The following KDR variants were observed in gnomAD, a reference collection of about 807,000 sequenced individuals.
KDR encodes kinase insert domain receptor, also known as vascular endothelial growth factor receptor 2.
In KDR, 43 loss-of-function variants were observed where a neutral mutation model predicts 160.9. The ratio of observed to expected loss-of-function variants is 0.27; its 90% CI spans 0.21 to 0.34. The LOEUF (loss-of-function observed/expected upper bound fraction) is 0.34, where lower values mean the gene tolerates loss of function less well. Ranked by LOEUF, KDR falls within the 10% of genes least tolerant of loss-of-function variation. The probability of loss-of-function intolerance (pLI) is 1.00; values close to 1 mark genes in which losing one functional copy is unlikely to be tolerated. For missense variants in KDR, 1,469 were observed against 1,666.4 expected, an observed-to-expected ratio of 0.88 and a Z score of 2.06; for synonymous variants, 617 against 600.1, an observed-to-expected ratio of 1.03 and a Z score of -0.41.
intron 16 of KDR, 130 bp downstream of exon 16, chr4:55,098,564 CGTT>C: frequency 1.3e-6 from 1 of 772,884 alleles, no homozygotes; most frequent in Non-Finnish European, 2.3e-6. Context: ...TGGGCAGGAA[CGTT>C]ATTGTATTGA....
At chr4:55,111,709 G>C (rs564991481) in intron 7 of KDR, among the ~76,000 whole-genome samples, 3 of 152,224 alleles carry the variant, frequency 2.0e-5, no homozygotes, top group Non-Finnish European at 4.4e-5. Flanking sequence ...ATCTTGGCAA[G>C]TGAAATAATT....
chr4:55,112,523 ATT>A (rs72203928), intron 7 of KDR, among the ~76,000 whole-genome samples: 2,232 of 116,996 alleles, frequency 0.019, 24 homozygotes, highest in African/African-American at 0.041. Flanking sequence ...TTATACCTTG[ATT>A]TTTTTTTTTT....
At chr4:55,116,085 C>T (rs913616236) in intron 3 of KDR, among the ~76,000 whole-genome samples, 1 of 152,112 alleles carries the variant, frequency 6.6e-6, no homozygotes, top group Non-Finnish European at 1.5e-5. Context: ...CAATGACAAA[C>T]ATTTGAAAAG....
chr4:55,116,734 A>G (rs1203480859), intron 3 of KDR, among the ~76,000 whole-genome samples: 5 of 152,228 alleles, frequency 3.3e-5, no homozygotes, highest in African/African-American at 1.2e-4. Flanking sequence ...CAGCCAATCT[A>G]GCCCACCACA....
intron 25 of KDR, 35 bp from the exon 26 acceptor site, chr4:55,089,008 T>C (rs775519572): frequency 2.8e-6 from 4 of 1,432,910 alleles, no homozygotes; most frequent in Non-Finnish European, 3.9e-6. Context: ...ATTAAATGCC[T>C]CTTTCTTCCT....
intron 18 of KDR, among the ~76,000 whole-genome samples, chr4:55,097,268 C>G (rs1262743969): frequency 6.6e-6 from 1 of 152,110 alleles, no homozygotes; most frequent in Non-Finnish European, 1.5e-5. Context: ...GGAGAACATG[C>G]TATTTTTGTA....
intron 2 of KDR, among the ~76,000 whole-genome samples, chr4:55,119,400 C>T (rs1249760470): frequency 6.6e-6 from 1 of 152,108 alleles, no homozygotes; most frequent in Non-Finnish European, 1.5e-5. Context: ...GAGCAGTGAA[C>T]AAATCAGACA....
At position 55,118,641 on chromosome 4, in the gene KDR, T is replaced by A; in HGVS notation, c.321A>T (p.Glu107Asp). ...DTGAYKCFYR[E>D]TDLASVIYVY... ...CATAAATGACCGAGGCCAAGTCAGT[T>A]TCCCGGTAGAAGCACTTGTAGGCTC... The change falls in exon 3 of 30, where the codon GAA becomes GAT. Residue 107 changes from glutamate to aspartate, a missense_variant. Coordinates refer to ENST00000263923, the MANE Select transcript of KDR (RefSeq NM_002253.4). 2.5e-6 allele frequency: 4 copies of A among 1,614,196 alleles called. No homozygotes were observed. Among genetic ancestry groups the A allele is most frequent in the Middle Eastern group, 3.3e-4 (2 of 6,062 alleles).
chr4:55,104,519 G>T, intron 13 of KDR, 124 bp downstream of exon 13: 1 of 767,568 alleles, frequency 1.3e-6, no homozygotes, highest in Non-Finnish European at 2.2e-6. Context: ...TTTCGGTGAA[G>T]AAGTGTGCAC....
Position 55,115,037 on chromosome 4 carries a change from G to A in KDR, c.495C>T (p.Tyr165=), listed in dbSNP as rs764756176. ...CATCAGGAACAAATCTCTTTTCTGG[G>A]TATCTCTGGGTAATAAAAAGACATA... is the stretch of plus-strand genomic sequence containing the variant. ...SNLNVSLCAR[Y]PEKRFVPDGN... Residue 165 remains tyrosine (Y), a synonymous_variant, in exon 5 of 30, where the codon TAC becomes TAT. Coordinates refer to ENST00000263923, the MANE Select transcript of KDR (RefSeq NM_002253.4). 2 of 1,612,320 alleles carry A rather than the reference G, an allele frequency of 1.2e-6. No individual in the cohort carries two copies. Among genetic ancestry groups the A allele is most frequent in the South Asian group, 2.2e-5 (2 of 90,990 alleles).
Position 55,115,375 on chromosome 4 carries a change from T to C in KDR, c.395A>G (p.Gln132Arg). 6.5e-7 allele frequency: 1 copy of C among 1,548,218 alleles called. No individual in the cohort carries two copies. Among genetic ancestry groups the C allele is most frequent in the Non-Finnish European group, 8.9e-7 (1 of 1,120,026 alleles). The change falls in exon 4 of 30, where the codon CAA becomes CGA. Residue 132 changes from glutamine to arginine, a missense_variant. Coordinates refer to ENST00000263923, the MANE Select transcript of KDR (RefSeq NM_002253.4). The part of the protein sequence containing the change: ...RSPFIASVSD[Q>R]HGVVYITENK... ...CTCAGTAATGTACACGACTCCATGT[T>C]GGTCACTAACAGAAGCAATAAATGG...
chr4:55,085,314 C>T (rs1021479927), intron 27 of KDR, among the ~76,000 whole-genome samples: 25 of 152,264 alleles, frequency 1.6e-4, no homozygotes, highest in Non-Finnish European at 8.8e-5. Flanking sequence ...TAAATAAATG[C>T]TAAGTAAATA....
intron 13 of KDR, among the ~76,000 whole-genome samples, chr4:55,103,866 C>T (rs950601653): frequency 1.8e-4 from 28 of 152,092 alleles, no homozygotes; most frequent in East Asian, 5.8e-4. Flanking sequence ...CACAAAGAGA[C>T]GCTCCCCAAA....
intron 27 of KDR, among the ~76,000 whole-genome samples, chr4:55,082,958 T>C (rs947798057): frequency 4.6e-5 from 7 of 152,196 alleles, no homozygotes; most frequent in African/African-American, 1.7e-4. Flanking sequence ...CCTGATTGCA[T>C]GGGATTCCTC....
At position 55,102,456 on chromosome 4, in the gene KDR, A is replaced by C. The variant is rs768199296; in HGVS notation, c.2040T>G (p.Ile680Met). 1.2e-6 allele frequency: 2 copies of C among 1,613,630 alleles called. No homozygotes were observed. The highest frequency in any genetic ancestry group is 4.5e-5 in the East Asian group (2 of 44,874). Residue 680 changes from isoleucine (I) to methionine (M), a missense_variant, in exon 14 of 30, where the codon ATT becomes ATG. This residue lies in a region of KDR where 792 missense variants were observed against 840.9 expected (regional missense o/e 0.94). Transcript: ENST00000263923. ...TGNLENQTTS[I>M]GESIEVSCTA... is the part of the protein sequence containing the mutation. ...TGCATGAGACTTCGATGCTTTCCCCAATACTTGTCGTCTGATTCTCCAGGT... is the reference window on the plus strand; with the variant it reads ...TGCATGAGACTTCGATGCTTTCCCCCATACTTGTCGTCTGATTCTCCAGGT...
At position 55,079,937 on chromosome 4, in the gene KDR, C is replaced by T. The variant is rs1719686490; in HGVS notation, c.*4G>A. 6.2e-7 allele frequency: 1 copy of T among 1,613,392 alleles called. No individual in the cohort carries two copies. ...CCAGGAGTTGGGGGTGTGGATGCTT[C>T]CTTTTAAACAGGAGGAGAGCTCAGT... On this transcript the variant is annotated 3_prime_UTR_variant, in exon 30 of 30. Transcript: ENST00000263923.
intron 21 of KDR, 127 bp from the exon 22 acceptor site, chr4:55,092,841 T>C: frequency 2.8e-6 from 2 of 708,900 alleles, no homozygotes; most frequent in Non-Finnish European, 5.1e-6. Flanking sequence ...AAGCAGAGAG[T>C]CAATGCTTCT....
intron 13 of KDR, among the ~76,000 whole-genome samples, chr4:55,103,727 C>T (rs1720369630): frequency 6.6e-6 from 1 of 152,046 alleles, no homozygotes. Flanking sequence ...AGACGTTACC[C>T]TCTAAAACTG....
rs1193004345 is a variant in KDR at position 55,098,144 on chromosome 4, C to T, written c.2502G>A (p.Leu834=). 1.9e-6 allele frequency: 3 copies of T among 1,613,822 alleles called. No individual in the cohort carries two copies. Among genetic ancestry groups the T allele is most frequent in the South Asian group, 1.1e-5 (1 of 91,064 alleles). Reference sequence around the variant, plus strand: ...TAGCAATTGAAAATGCACCTAGCTTCAGCCGGTCTCTGGGGAATTCCCATT... The same window carrying T: ...TAGCAATTGAAAATGCACCTAGCTTTAGCCGGTCTCTGGGGAATTCCCATT... ...ASKWEFPRDR[L]KLGKPLGRGA... The change falls in exon 17 of 30, where the codon CTG becomes CTA. Residue 834 remains leucine, a synonymous_variant. Transcript: ENST00000263923.
Sources: allele counts gnomAD v4.1 joint callset (sites outside exome capture counted in the v4.1 genomes callset), GRCh38; gene constraint gnomAD v4.1.1; regional missense constraint gnomAD v4.1.1; transcripts MANE v1.5; gene names NCBI Gene and HGNC (gene_info 2026-07-23, HGNC 2026-07-21).